SECISBP2L: variants seen among roughly 807,000 people sequenced by gnomAD.
SECISBP2L encodes SECIS binding protein 2 like.
In SECISBP2L, 43 loss-of-function variants were observed where a neutral mutation model predicts 114.7. The observed-to-expected ratio is 0.38, with a 90% CI of 0.29 to 0.48. The LOEUF is 0.48. SECISBP2L is among the 20% of genes least tolerant of loss of function. The pLI is 0.98. For missense variants in SECISBP2L, 1,136 were observed against 1,301.1 expected (o/e 0.87, Z 1.95); for synonymous variants, 451 against 439.7 (o/e 1.03, Z -0.32).
At chr15:49,027,919 C>G (rs2141079176) in intron 6 of SECISBP2L, among the ~76,000 whole-genome samples, 1 of 152,228 alleles carries the variant, frequency 6.6e-6, no homozygotes, top group African/African-American at 2.4e-5. Flanking sequence ...CTATAAACTT[C>G]TAAGCAGTAC....
At chr15:49,010,124 GACACAC>G (rs61663836) in intron 13 of SECISBP2L, among the ~76,000 whole-genome samples, 2 of 138,748 alleles carry the variant, frequency 1.4e-5, no homozygotes, top group Non-Finnish European at 3.1e-5. Context: ...AACAGAGGCA[GACACAC>G]ACACACACAC....
intron 10 of SECISBP2L, 25 bp from the exon 11 acceptor site, chr15:49,016,726 ATTTT>A (rs746941146): frequency 7.2e-6 from 11 of 1,518,214 alleles, no homozygotes; most frequent in Non-Finnish European, 9.7e-6. Flanking sequence ...TAAAAAATTA[ATTTT>A]TTTGTTATAG....
At chr15:49,033,979 T>C (rs562925075) in intron 3 of SECISBP2L, among the ~76,000 whole-genome samples, 1 of 152,264 alleles carries the variant, frequency 6.6e-6, no homozygotes, top group Non-Finnish European at 1.5e-5. Flanking sequence ...GCTGGGAATG[T>C]ATTCTAAGAA....
intron 8 of SECISBP2L, 70 bp from the exon 9 acceptor site, chr15:49,017,698 G>A: frequency 9.5e-7 from 1 of 1,051,782 alleles, no homozygotes; most frequent in Non-Finnish European, 1.4e-6. Context: ...ATGCTTAGAA[G>A]TATTGAAAAA....
intron 11 of SECISBP2L, 113 bp downstream of exon 11, chr15:49,016,441 TACACAC>T: frequency 3.7e-6 from 3 of 802,990 alleles, no homozygotes; most frequent in Non-Finnish European, 3.7e-6. Context: ...TACATATATA[TACACAC>T]ACACACACAT....
rs1362438805 is a variant in SECISBP2L, at chr15:49,030,076, CT to C, written c.665-1395del. Among the ~76,000 whole-genome samples, 4 of 151,188 alleles carry C rather than the reference CT, an allele frequency of 2.6e-5. No homozygotes were observed. The South Asian group carries it at 8.3e-4, about 31-fold the overall frequency. The stretch of plus-strand genomic sequence containing the variant: ...AAAAAAAAACAAAAAACAAGACTCT[CT>C]TTGAACAAATTACAAGTTTTCCTTT... On this transcript the variant is annotated intron_variant, in intron 4 of 17. Transcript: ENST00000559471.
rs1198342914 is a variant in SECISBP2L, at chr15:49,011,867, A to G, written c.1732-4T>C. ...CCTCTCTTTCTTTTAAAATAACCTAAAAGTCATTACACTAGTCTTTAATTA... is the reference window on the plus strand; with the variant it reads ...CCTCTCTTTCTTTTAAAATAACCTAGAAGTCATTACACTAGTCTTTAATTA... On this transcript the variant is annotated splice_polypyrimidine_tract_variant and splice_region_variant and intron_variant, in intron 12 of 17. Coordinates refer to ENST00000559471, the MANE Select transcript of SECISBP2L (RefSeq NM_001193489.2). 12 of 1,613,742 alleles carry G rather than the reference A, an allele frequency of 7.4e-6. No individual in the cohort carries two copies. The highest frequency in any genetic ancestry group is 1.0e-5 in the Non-Finnish European group (12 of 1,179,754).
At position 49,027,375 on chromosome 15, in the gene SECISBP2L, T is replaced by C. The variant is rs1294997436; in HGVS notation, c.1025A>G (p.Asn342Ser). The change falls in exon 7 of 18, where the codon AAT (asparagine) becomes AGT (serine). Residue 342 changes from asparagine to serine, a missense_variant. Asn to Ser is a conservative substitution (Grantham distance 46, BLOSUM62 1). Coordinates refer to ENST00000559471, the MANE Select transcript of SECISBP2L (RefSeq NM_001193489.2). The stretch of plus-strand genomic sequence containing the variant: ...CCTAATTCGAATTACCTGTGAATTA[T>C]TTCTTTGTTCAGTTTGCCTTCCACC... Reference protein sequence around the residue: ...SRGGRQTEQRNNSQVGFRCRG... With the variant: ...SRGGRQTEQRSNSQVGFRCRG... 4 of 1,608,354 alleles carry C rather than the reference T, an allele frequency of 2.5e-6. No homozygotes were observed. The highest frequency in any genetic ancestry group is 1.1e-5 in the South Asian group (1 of 90,296).
chr15:49,019,540 A>G lies in SECISBP2L; in HGVS notation c.1048T>C (p.Cys350Arg). Reference sequence around the variant, plus strand: ...TCTGAGGAAGTACTGTGTCCTCGGCATCTGAATCCAACCTAAGTAAACCCC... The same window carrying G: ...TCTGAGGAAGTACTGTGTCCTCGGCGTCTGAATCCAACCTAAGTAAACCCC... The part of the protein sequence containing the change: ...QRNNSQVGFR[C>R]RGHSTSSERR... Residue 350 changes from cysteine (C) to arginine (R), a missense_variant, in exon 8 of 18, where the codon TGC (cysteine) becomes CGC (arginine). By Grantham distance (180) the Cys-to-Arg change is radical. Coordinates refer to ENST00000559471, the MANE Select transcript of SECISBP2L (RefSeq NM_001193489.2). 1 of 1,480,762 alleles carries G rather than the reference A, an allele frequency of 6.8e-7. No homozygotes were observed. Among genetic ancestry groups the G allele is most frequent in the South Asian group, 1.4e-5 (1 of 73,552 alleles). The allele number at this position is 1,480,762 out of a possible 1,614,324, so 91.7% of individuals were successfully genotyped here.
At chr15:49,015,379 A>C (rs548595857) in intron 11 of SECISBP2L, among the ~76,000 whole-genome samples, 13 of 152,296 alleles carry the variant, frequency 8.5e-5, no homozygotes, top group African/African-American at 2.9e-4. Context: ...AGTTATTACA[A>C]ATAACTATTG....
Position 48,992,331 on chromosome 15 carries a change from C to T in SECISBP2L, c.3219G>A (p.Gln1073=). ...TGGACTTCTGCTGCCCAGGACTGGC[C>T]TGCTGGTCAGCAGTCCATGCCTCAC... The part of the protein sequence containing the change: ...MDSEAWTADQ[Q]ASPGQQKSSN... Residue 1073 remains glutamine (Q), a synonymous_variant, in exon 18 of 18, where the codon CAG becomes CAA. Transcript: ENST00000559471. The T allele has an allele frequency of 6.2e-7, 1 of 1,614,178 alleles. No homozygotes were observed. The highest frequency in any genetic ancestry group is 1.1e-5 in the South Asian group (1 of 91,086).
Position 49,010,124 on chromosome 15 carries a change from G to GACACAC in SECISBP2L, c.1865-752_1865-747dup, listed in dbSNP as rs61663836. 4.1e-4 allele frequency among the ~76,000 whole-genome samples: 57 copies of GACACAC among 138,826 alleles called. 1 individual carries two copies. The highest frequency in any genetic ancestry group is 7.6e-4 in the African/African-American group (28 of 36,760). The allele number at this position is 138,826 out of a possible 152,430, so 91.1% of individuals were successfully genotyped here. On this transcript the variant is annotated intron_variant, in intron 13 of 17. Coordinates refer to ENST00000559471, the MANE Select transcript of SECISBP2L (RefSeq NM_001193489.2). Reference sequence around the variant, plus strand: ...TCCAGCCTGGGCAACAACAGAGGCAGACACACACACACACACACACACACA... The same window carrying GACACAC: ...TCCAGCCTGGGCAACAACAGAGGCAGACACACACACACACACACACACACACACACA...
intron 1 of SECISBP2L, among the ~76,000 whole-genome samples, chr15:49,045,697 A>C (rs538626464): frequency 8.9e-4 from 136 of 152,302 alleles, no homozygotes; most frequent in East Asian, 4.8e-3. Flanking sequence ...TTAAAAAAAA[A>C]CCCACTAATT....
rs576836611 is a variant in SECISBP2L, at chr15:49,030,478, A to C, written c.665-1796T>G. Among the ~76,000 whole-genome samples, 4 of 152,326 alleles carry C rather than the reference A, an allele frequency of 2.6e-5. No homozygotes were observed. The East Asian group carries it at 7.7e-4, about 29-fold the overall frequency. On this transcript the variant is annotated intron_variant, in intron 4 of 17. Coordinates refer to ENST00000559471, the MANE Select transcript of SECISBP2L (RefSeq NM_001193489.2). Reference sequence around the variant, plus strand: ...GCTAGCACAGTGTTCCACGGGCCCCAAGGACAGGGTGGGATCATTCTCTTA... The same window carrying C: ...GCTAGCACAGTGTTCCACGGGCCCCCAGGACAGGGTGGGATCATTCTCTTA...
At chr15:49,045,815 T>C (rs928544283) in intron 1 of SECISBP2L, among the ~76,000 whole-genome samples, 14 of 152,162 alleles carry the variant, frequency 9.2e-5, no homozygotes, top group African/African-American at 1.4e-4. Context: ...CTTCGCTCCA[T>C]TGAACACAGA....
intron 4 of SECISBP2L, 123 bp downstream of exon 4, chr15:49,032,842 T>A: frequency 2.4e-6 from 3 of 1,245,188 alleles, no homozygotes; most frequent in Non-Finnish European, 3.3e-6. Context: ...TTTCACAAAG[T>A]GGCAGGACAA....
intron 14 of SECISBP2L, chr15:49,001,676 C>T (rs9920868): frequency 0.76 from 115,009 of 152,166 alleles, 43,969 homozygotes; most frequent in African/African-American, 0.81. Context: ...TGTGTTCTAA[C>T]TGTTCAACTC....
Position 49,046,415 on chromosome 15 carries a change from G to A in SECISBP2L, c.-116C>T, listed in dbSNP as rs959717861. On this transcript the variant is annotated 5_prime_UTR_variant, in exon 1 of 18. Coordinates refer to ENST00000559471, the MANE Select transcript of SECISBP2L (RefSeq NM_001193489.2). ...GGTTCCGGACCTCCGCCCCTATCTG[G>A]CTGGCCGCGACACCGATTCGGCTAC... The A allele has an allele frequency of 2.6e-6, 3 of 1,165,332 alleles. No homozygotes were observed. Among genetic ancestry groups the A allele is most frequent in the Non-Finnish European group, 3.4e-6 (3 of 877,092 alleles). 72.2% of individuals were successfully genotyped at this position (1,165,332 alleles called of 1,614,324 possible). A position where few individuals can be genotyped will look rare whatever the true frequency, so the allele number is the denominator to read the frequency against.
chr15:49,036,638 T>A (rs762192110), intron 2 of SECISBP2L, among the ~76,000 whole-genome samples: 1 of 152,230 alleles, frequency 6.6e-6, no homozygotes, highest in African/African-American at 2.4e-5. Context: ...TTTAATATCA[T>A]GCTAACTTCA....
Sources: gnomAD v4.1 joint callset for allele counts (sites outside exome capture counted in the v4.1 genomes callset) on GRCh38, gnomAD v4.1.1 for gene constraint, MANE v1.5 for transcripts, NCBI Gene and HGNC (gene_info 2026-07-23, HGNC 2026-07-21) for gene names.